TENT5D: variants seen among roughly 807,000 people sequenced by gnomAD.
The protein encoded by TENT5D is cancer/testis antigen 112.
For synonymous variants in TENT5D, 103 were observed against 100.6 expected (o/e 1.02, Z -0.15); for missense variants, 191 against 287.0 (o/e 0.67, Z 2.42).
chrX:80,436,025 T>C (rs775374145), intron 1 of TENT5D, among the ~76,000 whole-genome samples: 1 of 111,892 alleles, frequency 8.9e-6, no homozygotes, highest in Non-Finnish European at 1.9e-5. Context: ...GTGAACAACA[T>C]GAGGTCAACT....
chrX:80,396,844 G>T (rs1931256818), intron 3 of TENT5D, among the ~76,000 whole-genome samples: 1 of 98,171 alleles, frequency 1.0e-5, no homozygotes, highest in Admixed American at 1.1e-4. Flanking sequence ...TTCCCAGTAG[G>T]GGCGGCCGGG....
In TENT5D at chrX:80,396,699, C is replaced by T. The variant is rs769916191; in HGVS notation, c.-141-41911C>T. Among the ~76,000 whole-genome samples the T allele has an allele frequency of 7.2e-3, 752 of 105,088 alleles. 8 individuals carry two copies. Among genetic ancestry groups the T allele is most frequent in the African/African-American group, 0.025 (707 of 28,703 alleles). 91.3% of individuals were successfully genotyped at this position (105,088 alleles called of 115,157 possible). A position where few individuals can be genotyped will look rare whatever the true frequency, so the allele number is the denominator to read the frequency against. On this transcript the variant is annotated intron_variant, in intron 3 of 4. Transcript: ENST00000538312. ...TTTCTACACAGACACGGCAACCATCCGATTTCTCAATCTTTTCCCCGCCTT... is the reference window on the plus strand; with the variant it reads ...TTTCTACACAGACACGGCAACCATCTGATTTCTCAATCTTTTCCCCGCCTT...
At chrX:80,408,747 A>G (rs1014930919) in intron 3 of TENT5D, among the ~76,000 whole-genome samples, 4 of 111,717 alleles carry the variant, frequency 3.6e-5, no homozygotes, top group Non-Finnish European at 5.6e-5. Context: ...AACTCATTTT[A>G]TGAGGCAAGC....
intron 3 of TENT5D, among the ~76,000 whole-genome samples, chrX:80,396,814 C>T (rs1218636178): frequency 9.0e-4 from 90 of 100,404 alleles, no homozygotes; most frequent in African/African-American, 3.0e-3. Flanking sequence ...GGGTGGTGGC[C>T]GGGCAGAGGG....
In TENT5D at chrX:80,379,095, GAAGGCCTTTTCTGCATTCTCTTGCAGAA is replaced by G. The variant is rs1299795324; in HGVS notation, c.-142+36579_-142+36606del. On this transcript the variant is annotated intron_variant, in intron 3 of 4. Coordinates refer to the TENT5D transcript ENST00000538312. The stretch of plus-strand genomic sequence containing the variant: ...GCATGAAGGGCTGTTGAATTTTGTC[GAAGGCCTTTTCTGCATTCTCTTGCAGAA>G]AAGGCCTTTTCTGCATTCTCTTGCA... Among the ~76,000 whole-genome samples, 465 of 101,132 alleles carry G rather than the reference GAAGGCCTTTTCTGCATTCTCTTGCAGAA, an allele frequency of 4.6e-3. 2 individuals carry two copies. The highest frequency in any genetic ancestry group is 0.012 in the African/African-American group (315 of 27,243). The allele number at this position is 101,132 out of a possible 115,157, so 87.8% of individuals were successfully genotyped here. A position where few individuals can be genotyped will look rare whatever the true frequency, so the allele number is the denominator to read the frequency against.
chrX:80,384,115 C>A (rs62606107), intron 3 of TENT5D, among the ~76,000 whole-genome samples: 1 of 104,904 alleles, frequency 9.5e-6, no homozygotes, highest in South Asian at 4.7e-4. Flanking sequence ...GGCAGAGACA[C>A]AACAAAAAAA....
At chrX:80,439,775 T>C (rs1932245244) in intron 2 of TENT5D, among the ~76,000 whole-genome samples, 1 of 110,720 alleles carries the variant, frequency 9.0e-6, no homozygotes, top group African/African-American at 3.3e-5. Flanking sequence ...TATATGTCTA[T>C]ATGTATACAT....
chrX:80,355,123 C>G (rs1930258387), intron 3 of TENT5D, among the ~76,000 whole-genome samples: 1 of 111,792 alleles, frequency 8.9e-6, no homozygotes, highest in Non-Finnish European at 1.9e-5. Flanking sequence ...CAATAACACT[C>G]CAAAAGGGGC....
intron 1 of TENT5D, among the ~76,000 whole-genome samples, chrX:80,430,718 A>G (rs1330069062): frequency 9.0e-6 from 1 of 111,539 alleles, no homozygotes; most frequent in Non-Finnish European, 1.9e-5. Context: ...AACAGAATAT[A>G]TGCCATTTTT....
At chrX:80,367,694 A>G (rs778073307) in intron 3 of TENT5D, among the ~76,000 whole-genome samples, 1 of 111,960 alleles carries the variant, frequency 8.9e-6, no homozygotes, top group East Asian at 2.8e-4. Flanking sequence ...TTGAAACAAC[A>G]TGAATGTAAA....
At chrX:80,407,654 A>T (rs1291622583) in intron 3 of TENT5D, among the ~76,000 whole-genome samples, 1 of 107,801 alleles carries the variant, frequency 9.3e-6, no homozygotes, top group East Asian at 2.9e-4. Context: ...TAATAATGGG[A>T]GACTTTAACA....
At chrX:80,372,886 C>CAA (rs59485814) in intron 3 of TENT5D, among the ~76,000 whole-genome samples, 1 of 68,676 alleles carries the variant, frequency 1.5e-5, no homozygotes, top group African/African-American at 5.8e-5. Flanking sequence ...GACTCTATCT[C>CAA]AAAAAAAAAA....
chrX:80,402,490 T>C (rs991509092), intron 3 of TENT5D, among the ~76,000 whole-genome samples: 1 of 112,235 alleles, frequency 8.9e-6, no homozygotes, highest in African/African-American at 3.2e-5. Context: ...CATTAACTTA[T>C]TTACTTGCAG....
chrX:80,437,520 G>A (rs2147570034), intron 1 of TENT5D, among the ~76,000 whole-genome samples: 1 of 111,006 alleles, frequency 9.0e-6, no homozygotes, highest in African/African-American at 3.3e-5. Flanking sequence ...CGATCTTATT[G>A]AACACAGTAT....
intron 3 of TENT5D, among the ~76,000 whole-genome samples, chrX:80,346,863 G>T (rs1930073539): frequency 9.1e-6 from 1 of 110,089 alleles, no homozygotes; most frequent in African/African-American, 3.3e-5. Flanking sequence ...GGTGTGTGAT[G>T]TTCCCCTCCC....
intron 3 of TENT5D, among the ~76,000 whole-genome samples, chrX:80,342,987 ACT>A (rs1406066748): frequency 1.8e-5 from 2 of 109,458 alleles, no homozygotes; most frequent in Non-Finnish European, 3.8e-5. Flanking sequence ...CCTCATTACA[ACT>A]CTCTGGATAC....
chrX:80,354,590 GT>G (rs2147518369), intron 3 of TENT5D, among the ~76,000 whole-genome samples: 1 of 111,587 alleles, frequency 9.0e-6, no homozygotes, highest in South Asian at 3.8e-4. Flanking sequence ...TTCTTGGACT[GT>G]TTTACTGTAT....
intron 3 of TENT5D, among the ~76,000 whole-genome samples, chrX:80,382,115 A>T (rs1217834250): frequency 9.0e-6 from 1 of 111,335 alleles, no homozygotes; most frequent in Non-Finnish European, 1.9e-5. Context: ...ATCTTTGATG[A>T]TGGTGACCTA....
At chrX:80,414,682 C>G (rs1182246127) in intron 3 of TENT5D, among the ~76,000 whole-genome samples, 1 of 111,682 alleles carries the variant, frequency 9.0e-6, no homozygotes, top group Non-Finnish European at 1.9e-5. Flanking sequence ...CCTTGATCAG[C>G]CTTCCACTGA....
Sources: allele counts gnomAD v4.1 joint callset (sites outside exome capture counted in the v4.1 genomes callset), GRCh38; gene constraint gnomAD v4.1.1; transcripts MANE v1.5; gene names NCBI Gene and HGNC (gene_info 2026-07-23, HGNC 2026-07-21).